The following SPOCK3 variants were observed in gnomAD, a reference collection of about 807,000 sequenced individuals.
SPOCK3 encodes SPARC (osteonectin), cwcv and kazal like domains proteoglycan 3.
In SPOCK3, 30 loss-of-function variants were observed where a neutral mutation model predicts 56.6. That is an observed-to-expected ratio of 0.53 (90% CI 0.40 to 0.72). The LOEUF (loss-of-function observed/expected upper bound fraction) is 0.72, where lower values mean the gene tolerates loss of function less well. SPOCK3 is among the 30% of genes least tolerant of loss of function. SPOCK3 has a pLI of 0.00. For missense variants in SPOCK3, 527 were observed against 530.0 expected, an observed-to-expected ratio of 0.99 and a Z score of 0.06; for synonymous variants, 196 against 183.3, an observed-to-expected ratio of 1.07 and a Z score of -0.56.
At chr4:166,923,013 C>T (rs1738672296) in intron 4 of SPOCK3, among the ~76,000 whole-genome samples, 1 of 152,188 alleles carries the variant, frequency 6.6e-6, no homozygotes. Flanking sequence ...TAATCTCTCA[C>T]CGTTAGGAAT....
At chr4:166,916,973 T>C (rs1737928220) in intron 4 of SPOCK3, among the ~76,000 whole-genome samples, 1 of 152,106 alleles carries the variant, frequency 6.6e-6, no homozygotes, top group South Asian at 2.1e-4. Flanking sequence ...AGGATGAGGT[T>C]GGATGTTAAA....
intron 7 of SPOCK3, among the ~76,000 whole-genome samples, chr4:166,778,453 T>C (rs1739810994): frequency 6.6e-6 from 1 of 152,188 alleles, no homozygotes; most frequent in African/African-American, 2.4e-5. Flanking sequence ...TTGTCCTCAC[T>C]AATGACAGTT....
At chr4:166,868,928 A>C (rs936831163) in intron 6 of SPOCK3, among the ~76,000 whole-genome samples, 4 of 152,116 alleles carry the variant, frequency 2.6e-5, no homozygotes, top group African/African-American at 9.7e-5. Context: ...TAGTGGCTTC[A>C]ACGAAATTTA....
intron 2 of SPOCK3, among the ~76,000 whole-genome samples, chr4:167,108,386 CA>C (rs1760363210): frequency 1.3e-5 from 2 of 151,728 alleles, no homozygotes; most frequent in Admixed American, 1.3e-4. Flanking sequence ...TCACAATCGC[CA>C]ACATTTGGAA....
intron 2 of SPOCK3, among the ~76,000 whole-genome samples, chr4:167,204,897 T>C (rs999137256): frequency 6.6e-6 from 1 of 150,982 alleles, no homozygotes; most frequent in Non-Finnish European, 1.5e-5. Flanking sequence ...ACTACCACAG[T>C]TCACTGCACC....
intron 6 of SPOCK3, among the ~76,000 whole-genome samples, chr4:166,816,957 G>A (rs1744441619): frequency 6.6e-6 from 1 of 152,004 alleles, no homozygotes; most frequent in Non-Finnish European, 1.5e-5. Flanking sequence ...CTTTGTGTTA[G>A]AAGAATAGTG....
chr4:167,066,360 C>T (rs1035734189), intron 2 of SPOCK3, among the ~76,000 whole-genome samples: 1 of 151,766 alleles, frequency 6.6e-6, no homozygotes, highest in African/African-American at 2.4e-5. Flanking sequence ...GGGGATACTA[C>T]TACAAGGTGT....
At chr4:166,832,469 T>C (rs1193052547) in intron 6 of SPOCK3, among the ~76,000 whole-genome samples, 2 of 151,996 alleles carry the variant, frequency 1.3e-5, no homozygotes, top group African/African-American at 2.4e-5. Flanking sequence ...TTGGTGGGAA[T>C]ATAAATTAGT....
chr4:167,032,430 A>G (rs1752361887), intron 3 of SPOCK3, among the ~76,000 whole-genome samples: 1 of 152,002 alleles, frequency 6.6e-6, no homozygotes, highest in African/African-American at 2.4e-5. Flanking sequence ...GTTGAAGAGA[A>G]TGGCACATAG....
At chr4:167,062,591 G>T in intron 2 of SPOCK3, 54 bp from the exon 3 acceptor site, 4 of 1,380,056 alleles carry the variant, frequency 2.9e-6, no homozygotes, top group Non-Finnish European at 4.1e-6. Flanking sequence ...AAACGCAAGG[G>T]TTCATATAAA....
chr4:167,195,389 T>C (rs1336848742), intron 2 of SPOCK3, among the ~76,000 whole-genome samples: 1 of 152,158 alleles, frequency 6.6e-6, no homozygotes, highest in Non-Finnish European at 1.5e-5. Context: ...AGGGTCACCA[T>C]GGATGTGTTC....
intron 4 of SPOCK3, among the ~76,000 whole-genome samples, chr4:166,930,593 A>C (rs934095871): frequency 1.3e-5 from 2 of 152,176 alleles, no homozygotes; most frequent in Non-Finnish European, 2.9e-5. Flanking sequence ...AGGACAATAC[A>C]TCAAAGAGAA....
chr4:166,800,247 A>G (rs1156622366), intron 6 of SPOCK3, among the ~76,000 whole-genome samples: 1 of 151,094 alleles, frequency 6.6e-6, no homozygotes, highest in Non-Finnish European at 1.5e-5. Context: ...TTTATTAATA[A>G]AGAGGAATAT....
At chr4:166,826,869 G>A (rs1745537078) in intron 6 of SPOCK3, among the ~76,000 whole-genome samples, 1 of 151,926 alleles carries the variant, frequency 6.6e-6, no homozygotes, top group African/African-American at 2.4e-5. Flanking sequence ...GAGGGCAAAT[G>A]GCCTGGACAG....
At chr4:166,883,118 A>G (rs971039015) in intron 6 of SPOCK3, 5 of 152,192 alleles carry the variant, frequency 3.3e-5, no homozygotes, top group Admixed American at 2.6e-4. Context: ...ACAAAATTAA[A>G]CGTTAAAACT....
At chr4:167,100,819 C>A (rs540677140) in intron 2 of SPOCK3, among the ~76,000 whole-genome samples, 1 of 152,184 alleles carries the variant, frequency 6.6e-6, no homozygotes, top group East Asian at 1.9e-4. Flanking sequence ...AACAAGTAAT[C>A]ACTTGCACAT....
At chr4:167,136,639 TG>T (rs2150391510) in intron 2 of SPOCK3, among the ~76,000 whole-genome samples, 1 of 152,308 alleles carries the variant, frequency 6.6e-6, no homozygotes, top group African/African-American at 2.4e-5. Flanking sequence ...TTGGTATTTC[TG>T]GCCCATTTCG....
At chr4:166,754,443 T>G in intron 8 of SPOCK3, 65 bp downstream of exon 8, 1 of 1,551,054 alleles carries the variant, frequency 6.4e-7, no homozygotes, top group East Asian at 2.3e-5. Context: ...TTTATTTTCT[T>G]AAAAAATAAG....
At chr4:167,097,294 T>C (rs1327026642) in intron 2 of SPOCK3, among the ~76,000 whole-genome samples, 3 of 151,882 alleles carry the variant, frequency 2.0e-5, no homozygotes, top group Non-Finnish European at 4.4e-5. Flanking sequence ...GAACTTATAT[T>C]CTCAAGTTTT....
Sources: allele counts gnomAD v4.1 joint callset (sites outside exome capture counted in the v4.1 genomes callset), GRCh38; gene constraint gnomAD v4.1.1; transcripts MANE v1.5; gene names NCBI Gene and HGNC (gene_info 2026-07-23, HGNC 2026-07-21).